RPL37: variants seen among roughly 807,000 people sequenced by gnomAD.
RPL37 encodes the protein large ribosomal subunit protein eL37.
Under a neutral mutation model 14.8 loss-of-function variants are expected in RPL37, and 1 was observed. That is an observed-to-expected ratio of 0.07 (90% CI 0.02 to 0.32). RPL37 has a LOEUF of 0.32. RPL37 is among the 10% of genes least tolerant of loss of function. RPL37 has a pLI of 1.00. For synonymous variants in RPL37, 53 were observed against 45.8 expected, an observed-to-expected ratio of 1.16 and a Z score of -0.63; for missense variants, 100 against 128.3, an observed-to-expected ratio of 0.78 and a Z score of 1.06.
At position 40,828,258 on chromosome 5, in the gene RPL37, G is replaced by C. The variant is rs1301807714; in HGVS notation, c.*4246C>G. On this transcript the variant is annotated 3_prime_UTR_variant, in exon 4 of 4. Coordinates refer to ENST00000274242, the MANE Select transcript of RPL37 (RefSeq NM_000997.5). ...TTCCTCCATCCCCACTGTCTATTAC[G>C]CTCGTGGTATCCTTGTCTTACACAC... The C allele has an allele frequency of 6.6e-6, 1 of 152,084 alleles. No homozygotes were observed. Among genetic ancestry groups the C allele is most frequent in the African/African-American group, 2.4e-5 (1 of 41,396 alleles). The allele number at this position is 152,084 out of a possible 1,614,324, so 9.4% of individuals were successfully genotyped here. A position where few individuals can be genotyped will look rare whatever the true frequency, so the allele number is the denominator to read the frequency against.
At chr5:40,834,704 C>T (rs1745724984) in intron 1 of RPL37, 98 bp from the exon 2 acceptor site, 1 of 1,376,198 alleles carries the variant, frequency 7.3e-7, no homozygotes, top group Admixed American at 2.3e-5. Flanking sequence ...TAAAGGCAAT[C>T]GTAAAGATCG....
In RPL37 at chr5:40,832,407, G is replaced by C. The variant is rs1340682518; in HGVS notation, c.*97C>G. The C allele has an allele frequency of 1.1e-5, 11 of 1,015,166 alleles. No individual in the cohort carries two copies. The highest frequency in any genetic ancestry group is 1.7e-5 in the Non-Finnish European group (11 of 637,226). The allele number at this position is 1,015,166 out of a possible 1,614,324, so 62.9% of individuals were successfully genotyped here. ...GTCCCTAAACCTACAGTATTTCACTGATACTACAAGCCTAATTGATTAAAA... is the reference window on the plus strand; with the variant it reads ...GTCCCTAAACCTACAGTATTTCACTCATACTACAAGCCTAATTGATTAAAA... On this transcript the variant is annotated 3_prime_UTR_variant, in exon 4 of 4. Coordinates refer to ENST00000274242, the MANE Select transcript of RPL37 (RefSeq NM_000997.5).
chr5:40,826,891 C>T lies in RPL37; in HGVS notation c.*5613G>A, dbSNP rs1745529631. Reference sequence around the variant, plus strand: ...CTCCCAGGCTCAAGCAATCCTTCCACCTCAGCTCCCTGAGTAGCTGGGACT... The same window carrying T: ...CTCCCAGGCTCAAGCAATCCTTCCATCTCAGCTCCCTGAGTAGCTGGGACT... On this transcript the variant is annotated 3_prime_UTR_variant, in exon 4 of 4. Coordinates refer to ENST00000274242, the MANE Select transcript of RPL37 (RefSeq NM_000997.5). 6.6e-6 allele frequency: 1 copy of T among 152,298 alleles called. No homozygotes were observed. Among genetic ancestry groups the T allele is most frequent in the African/African-American group, 2.4e-5 (1 of 41,448 alleles). The allele number at this position is 152,298 out of a possible 1,614,324, so 9.4% of individuals were successfully genotyped here.
chr5:40,834,344 T>C, intron 2 of RPL37, 79 bp from the exon 3 acceptor site: 1 of 1,566,622 alleles, frequency 6.4e-7, no homozygotes, highest in Non-Finnish European at 8.8e-7. Context: ...ACGAGTTTTA[T>C]GCCACCTCAT....
chr5:40,826,156 A>C lies in RPL37; in HGVS notation c.*6348T>G, dbSNP rs1745512530. ...TATAACACTCCTCAGGAGTTCAAAT[A>C]ATTTTAATCATTTTTAAGGCAAAGA... On this transcript the variant is annotated 3_prime_UTR_variant, in exon 4 of 4. Transcript: ENST00000274242. 1 of 152,208 alleles carries C rather than the reference A, an allele frequency of 6.6e-6. No individual in the cohort carries two copies. Among genetic ancestry groups the C allele is most frequent in the Non-Finnish European group, 1.5e-5 (1 of 68,044 alleles). 9.4% of individuals were successfully genotyped at this position (152,208 alleles called of 1,614,324 possible).
At position 40,827,221 on chromosome 5, in the gene RPL37, C is replaced by T. The variant is rs1745535965; in HGVS notation, c.*5283G>A. Reference sequence around the variant, plus strand: ...CCCAGGGATTATGAAGCCAGCCAGCCAAGGAAGAACTACCCTATCTCCTCA... The same window carrying T: ...CCCAGGGATTATGAAGCCAGCCAGCTAAGGAAGAACTACCCTATCTCCTCA... On this transcript the variant is annotated 3_prime_UTR_variant, in exon 4 of 4. Transcript: ENST00000274242. 1 of 152,254 alleles carries T rather than the reference C, an allele frequency of 6.6e-6. No homozygotes were observed. Among genetic ancestry groups the T allele is most frequent in the African/African-American group, 2.4e-5 (1 of 41,430 alleles). The allele number at this position is 152,254 out of a possible 1,614,324, so 9.4% of individuals were successfully genotyped here. A position where few individuals can be genotyped will look rare whatever the true frequency, so the allele number is the denominator to read the frequency against.
In RPL37 at chr5:40,828,242, C is replaced by T. The variant is rs951720927; in HGVS notation, c.*4262G>A. On this transcript the variant is annotated 3_prime_UTR_variant, in exon 4 of 4. Coordinates refer to ENST00000274242, the MANE Select transcript of RPL37 (RefSeq NM_000997.5). ...ACCAACCTTCTAAAGGTTCCTCCAT[C>T]CCCACTGTCTATTACGCTCGTGGTA... is the stretch of plus-strand genomic sequence containing the variant. 5 of 152,196 alleles carry T rather than the reference C, an allele frequency of 3.3e-5. No individual in the cohort carries two copies. The highest frequency in any genetic ancestry group is 2.1e-4 in the South Asian group (1 of 4,830). 9.4% of individuals were successfully genotyped at this position (152,196 alleles called of 1,614,324 possible).
intron 3 of RPL37, among the ~76,000 whole-genome samples, chr5:40,833,054 C>T (rs137937759): frequency 6.6e-6 from 1 of 152,196 alleles, no homozygotes; most frequent in Admixed American, 6.5e-5. Flanking sequence ...AACTATCCTA[C>T]TTTTAAAAGC....
In RPL37 at chr5:40,826,343, CATTATTT is replaced by C. The variant is rs1365913793; in HGVS notation, c.*6154_*6160del. The C allele has an allele frequency of 6.6e-6, 1 of 151,938 alleles. No individual in the cohort carries two copies. Among genetic ancestry groups the C allele is most frequent in the African/African-American group, 2.4e-5 (1 of 41,290 alleles). 9.4% of individuals were successfully genotyped at this position (151,938 alleles called of 1,614,324 possible). A position where few individuals can be genotyped will look rare whatever the true frequency, so the allele number is the denominator to read the frequency against. On this transcript the variant is annotated 3_prime_UTR_variant, in exon 4 of 4. Coordinates refer to ENST00000274242, the MANE Select transcript of RPL37 (RefSeq NM_000997.5). ...AACGTGGTCAGTTTTCAGTTTTTAT[CATTATTT>C]ATTATTTTATTTTTTATATCCCAGC...
Position 40,827,773 on chromosome 5 carries a change from G to T in RPL37, c.*4731C>A, listed in dbSNP as rs545653205. 6.7e-6 allele frequency: 1 copy of T among 149,528 alleles called. No homozygotes were observed. The highest frequency in any genetic ancestry group is 2.0e-4 in the East Asian group (1 of 5,088). 9.3% of individuals were successfully genotyped at this position (149,528 alleles called of 1,614,324 possible). On this transcript the variant is annotated 3_prime_UTR_variant, in exon 4 of 4. Transcript: ENST00000274242. ...ATGGAGTCTCGCTCTGCCGCCCGCCGTTCTCTCAGCTCACTGCAACCTCTG... is the reference window on the plus strand; with the variant it reads ...ATGGAGTCTCGCTCTGCCGCCCGCCTTTCTCTCAGCTCACTGCAACCTCTG...
chr5:40,833,891 A>G (rs1365683789), intron 3 of RPL37: 3 of 345,802 alleles, frequency 8.7e-6, no homozygotes, highest in African/African-American at 6.4e-5. Flanking sequence ...CAATAAATAC[A>G]AAAATTAGCT....
Position 40,830,254 on chromosome 5 carries a change from A to C in RPL37, c.*2250T>G, listed in dbSNP as rs1175262983. The C allele has an allele frequency of 1.3e-5, 2 of 152,166 alleles. No homozygotes were observed. The highest frequency in any genetic ancestry group is 2.4e-5 in the African/African-American group (1 of 41,422). 9.4% of individuals were successfully genotyped at this position (152,166 alleles called of 1,614,324 possible). A position where few individuals can be genotyped will look rare whatever the true frequency, so the allele number is the denominator to read the frequency against. On this transcript the variant is annotated 3_prime_UTR_variant, in exon 4 of 4. Transcript: ENST00000274242. Reference sequence around the variant, plus strand: ...TTTCTGCTGAAAAATTTAAAGTATAATGGGTATCTATACATAACTATAACT... The same window carrying C: ...TTTCTGCTGAAAAATTTAAAGTATACTGGGTATCTATACATAACTATAACT...
chr5:40,834,335 C>G, intron 2 of RPL37, 70 bp from the exon 3 acceptor site: 1 of 1,568,180 alleles, frequency 6.4e-7, no homozygotes, highest in Non-Finnish European at 8.8e-7. Flanking sequence ...TGTTAACACA[C>G]GAGTTTTATG....
rs1394371716 is a variant in RPL37 at position 40,831,000 on chromosome 5, A to C, written c.*1504T>G. On this transcript the variant is annotated 3_prime_UTR_variant, in exon 4 of 4. Coordinates refer to ENST00000274242, the MANE Select transcript of RPL37 (RefSeq NM_000997.5). ...GGTGGCTCACGCCTGTAATCCTAGC[A>C]CTTTGGGAGGCCGAGGCGGCGGATC... 1 of 151,228 alleles carries C rather than the reference A, an allele frequency of 6.6e-6. No homozygotes were observed. The highest frequency in any genetic ancestry group is 2.4e-5 in the African/African-American group (1 of 41,180). 9.4% of individuals were successfully genotyped at this position (151,228 alleles called of 1,614,324 possible). A position where few individuals can be genotyped will look rare whatever the true frequency, so the allele number is the denominator to read the frequency against.
In RPL37 at chr5:40,827,322, A is replaced by T. The variant is rs532676644; in HGVS notation, c.*5182T>A. ...TTGCAGCTCACAGCTCCAGAAAAGTATAAGGAGAAAGCTGAAATCAGAGGA... is the reference window on the plus strand; with the variant it reads ...TTGCAGCTCACAGCTCCAGAAAAGTTTAAGGAGAAAGCTGAAATCAGAGGA... On this transcript the variant is annotated 3_prime_UTR_variant, in exon 4 of 4. Coordinates refer to ENST00000274242, the MANE Select transcript of RPL37 (RefSeq NM_000997.5). The T allele has an allele frequency of 3.9e-5, 6 of 152,236 alleles. No homozygotes were observed. Among genetic ancestry groups the T allele is most frequent in the Admixed American group, 3.9e-4 (6 of 15,280 alleles). 9.4% of individuals were successfully genotyped at this position (152,236 alleles called of 1,614,324 possible).
chr5:40,832,677 GA>G lies in RPL37; in HGVS notation c.225-105del, dbSNP rs745727439. 8 of 849,896 alleles carry G rather than the reference GA, an allele frequency of 9.4e-6. No individual in the cohort carries two copies. The African/African-American group carries it at 1.2e-4, about 12-fold the overall frequency. 52.6% of individuals were successfully genotyped at this position (849,896 alleles called of 1,614,324 possible). A position where few individuals can be genotyped will look rare whatever the true frequency, so the allele number is the denominator to read the frequency against. On this transcript the variant is annotated intron_variant, in intron 3 of 3. Transcript: ENST00000274242. ...AATGCGCTTATCTCAGTTAAATGCT[GA>G]AATCAATACTGCATTCATATGTTCA...
In RPL37 at chr5:40,828,975, T is replaced by C. The variant is rs1745576812; in HGVS notation, c.*3529A>G. 6.6e-6 allele frequency: 1 copy of C among 152,174 alleles called. No individual in the cohort carries two copies. Among genetic ancestry groups the C allele is most frequent in the South Asian group, 2.1e-4 (1 of 4,828 alleles). The allele number at this position is 152,174 out of a possible 1,614,324, so 9.4% of individuals were successfully genotyped here. On this transcript the variant is annotated 3_prime_UTR_variant, in exon 4 of 4. Transcript: ENST00000274242. ...CTAAATTATCTTTTTGTTTTTGGAG[T>C]CTGTAAATTCACAAATGGTTTCCAC...
Position 40,827,422 on chromosome 5 carries a change from A to G in RPL37, c.*5082T>C, listed in dbSNP as rs1745541877. 1 of 152,230 alleles carries G rather than the reference A, an allele frequency of 6.6e-6. No individual in the cohort carries two copies. Among genetic ancestry groups the G allele is most frequent in the Admixed American group, 6.5e-5 (1 of 15,286 alleles). The allele number at this position is 152,230 out of a possible 1,614,324, so 9.4% of individuals were successfully genotyped here. A position where few individuals can be genotyped will look rare whatever the true frequency, so the allele number is the denominator to read the frequency against. ...ATTAAGATTACCTTCTGACGATTAC[A>G]TAGGACTGCACGTTTTACCTATTGA... is the stretch of plus-strand genomic sequence containing the variant. On this transcript the variant is annotated 3_prime_UTR_variant, in exon 4 of 4. Transcript: ENST00000274242.
chr5:40,835,131 C>T (rs1579795352), intron 1 of RPL37, 52 bp downstream of exon 1: 5 of 1,613,274 alleles, frequency 3.1e-6, no homozygotes, highest in Non-Finnish European at 4.2e-6. Flanking sequence ...AACAGAGAGG[C>T]ACAAAGGACG....
Sources: gnomAD v4.1 joint callset for allele counts (sites outside exome capture counted in the v4.1 genomes callset) on GRCh38, gnomAD v4.1.1 for gene constraint, MANE v1.5 for transcripts, NCBI Gene and HGNC (gene_info 2026-07-23, HGNC 2026-07-21) for gene names.